Variants in TRIM72 observed in about 807,000 individuals in gnomAD.
TRIM72 encodes the protein tripartite motif-containing protein 72.
In TRIM72, 33 loss-of-function variants were observed where a neutral mutation model predicts 31.6. That is an observed-to-expected ratio of 1.04 (90% confidence interval 0.79 to 1.40). The LOEUF is 1.40. TRIM72 is among the 40% of genes most tolerant of loss of function. The pLI, the probability that TRIM72 is intolerant of heterozygous loss-of-function variation, is 0.00. For missense variants in TRIM72, 666 were observed against 682.7 expected (o/e 0.98, Z 0.27); for synonymous variants, 301 against 314.4 (o/e 0.96, Z 0.45).
In TRIM72 at chr16:31,224,555, C is replaced by G; in HGVS notation, c.1234C>G (p.Arg412Gly). The change falls in exon 7 of 7, where the codon CGC (arginine) becomes GGC (glycine). Residue 412 changes from arginine to glycine, a missense_variant. By Grantham distance (125) the Arg-to-Gly change is moderately radical. Transcript: ENST00000322122. ...ALRSPERRPT[R>G]IGLYLSFGDG... ...GCGCAGCCCCGAGAGGCGGCCCACG[C>G]GCATTGGCCTTTACCTGAGCTTCGG... is the stretch of plus-strand genomic sequence containing the variant. The G allele has an allele frequency of 6.5e-7, 1 of 1,538,084 alleles. No individual in the cohort carries two copies. Among genetic ancestry groups the G allele is most frequent in the Non-Finnish European group, 8.7e-7 (1 of 1,146,630 alleles).
intron 1 of TRIM72, 66 bp from the exon 2 acceptor site, chr16:31,214,666 T>TGGGCC (rs2079497960): frequency 7.1e-7 from 1 of 1,399,292 alleles, no homozygotes; most frequent in Non-Finnish European, 9.2e-7. Flanking sequence ...GGGCTAGGGC[T>TGGGCC]GGGCCAGGGC....
intron 2 of TRIM72, 124 bp from the exon 3 acceptor site, chr16:31,218,971 G>T (rs992134080): frequency 2.3e-6 from 2 of 877,230 alleles, no homozygotes; most frequent in Non-Finnish European, 1.8e-6. Flanking sequence ...TGGGTTTGGG[G>T]ATGGGAAGAT....
chr16:31,215,121 G>A lies in TRIM72; in HGVS notation c.383G>A (p.Arg128His), dbSNP rs1352142797. ...CTGCCTGCCGCCGAGGCCCACGCACGCCTCAAGGTGCGGGATCCGCGCGCA... is the reference window on the plus strand; with the variant it reads ...CTGCCTGCCGCCGAGGCCCACGCACACCTCAAGGTGCGGGATCCGCGCGCA... ...RLLPAAEAHA[R>H]LKTQLPQQKL... Residue 128 changes from arginine (R) to histidine (H), a missense_variant, in exon 2 of 7, where the codon CGC becomes CAC. Physicochemically the swap from Arg to His is conservative, Grantham distance 29. Transcript: ENST00000322122. The surrounding 1 kb of genome is among the most constrained non-coding windows in gnomAD (Gnocchi z 6.3). 1.4e-6 allele frequency: 2 copies of A among 1,439,604 alleles called. No individual in the cohort carries two copies. The highest frequency in any genetic ancestry group is 1.5e-5 in the African/African-American group (1 of 67,048). The allele number at this position is 1,439,604 out of a possible 1,614,324, so 89.2% of individuals were successfully genotyped here. A position where few individuals can be genotyped will look rare whatever the true frequency, so the allele number is the denominator to read the frequency against.
In TRIM72 at chr16:31,227,839, T is replaced by C. The variant is rs1293410329; in HGVS notation, c.*3084T>C. 2 of 152,282 alleles carry C rather than the reference T, an allele frequency of 1.3e-5. No individual in the cohort carries two copies. The highest frequency in any genetic ancestry group is 2.9e-5 in the Non-Finnish European group (2 of 68,138). The allele number at this position is 152,282 out of a possible 1,614,324, so 9.4% of individuals were successfully genotyped here. A position where few individuals can be genotyped will look rare whatever the true frequency, so the allele number is the denominator to read the frequency against. On this transcript the variant is annotated 3_prime_UTR_variant, in exon 7 of 7. Transcript: ENST00000322122. ...TTGGTAGAGATGAGGTCTCACTATG[T>C]TGCTCATGCTGGTCTCGAGCTCCTG...
intron 2 of TRIM72, among the ~76,000 whole-genome samples, chr16:31,217,780 A>G (rs1236512195): frequency 6.6e-6 from 1 of 152,006 alleles, no homozygotes; most frequent in African/African-American, 2.4e-5. Flanking sequence ...GCGCCCAGGT[A>G]ATTTTTGTAT....
rs1450715722 is a variant in TRIM72 at position 31,227,441 on chromosome 16, G to A, written c.*2686G>A. 2.0e-5 allele frequency: 3 copies of A among 152,362 alleles called. No individual in the cohort carries two copies. The highest frequency in any genetic ancestry group is 4.4e-5 in the Non-Finnish European group (3 of 68,216). The allele number at this position is 152,362 out of a possible 1,614,324, so 9.4% of individuals were successfully genotyped here. On this transcript the variant is annotated 3_prime_UTR_variant, in exon 7 of 7. Coordinates refer to ENST00000322122, the MANE Select transcript of TRIM72 (RefSeq NM_001008274.4). ...TCTGTCGCCCAGGCTGGAGTGCAGT[G>A]GTGTGATCACCGTAACCTCCGCCTC...
At chr16:31,224,078 A>T in intron 6 of TRIM72, 103 bp from the exon 7 acceptor site, 1 of 1,349,434 alleles carries the variant, frequency 7.4e-7, no homozygotes, top group Non-Finnish European at 1.0e-6. Flanking sequence ...GTGAGCAGAG[A>T]TGCCAAGAGG....
At position 31,222,824 on chromosome 16, in the gene TRIM72, C is replaced by CCCGCCCCCCA; in HGVS notation, c.741-3_741-2insCCGCCCCCCA. 1.4e-6 allele frequency: 2 copies of CCCGCCCCCCA among 1,398,296 alleles called. No individual in the cohort carries two copies. The highest frequency in any genetic ancestry group is 9.6e-7 in the Non-Finnish European group (1 of 1,037,844). 86.6% of individuals were successfully genotyped at this position (1,398,296 alleles called of 1,614,324 possible). A position where few individuals can be genotyped will look rare whatever the true frequency, so the allele number is the denominator to read the frequency against. The stretch of plus-strand genomic sequence containing the variant: ...TGCCTCCCCTTCCCCTCCCCACCCC[C>CCCGCCCCCCA]AGGCTGCAGAAGATCCTGGCAGAGT... On this transcript the variant is annotated splice_polypyrimidine_tract_variant and splice_region_variant and intron_variant, in intron 5 of 6. Transcript: ENST00000322122.
intron 2 of TRIM72, chr16:31,217,090 C>A: frequency 6.5e-7 from 1 of 1,534,170 alleles, no homozygotes; most frequent in Non-Finnish European, 8.8e-7. Flanking sequence ...ACCTTTCCTG[C>A]AGCAGGTGGA....
rs1277597533 is a variant in TRIM72, at chr16:31,230,910, AAG to A, written c.*6157_*6158del. On this transcript the variant is annotated 3_prime_UTR_variant, in exon 7 of 7. Coordinates refer to ENST00000322122, the MANE Select transcript of TRIM72 (RefSeq NM_001008274.4). ...TGAGACTCTGTCTCAAAGGAAAAAA[AAG>A]AAAATTTATTGAGACCTTATTATGC... The A allele has an allele frequency of 2.6e-5, 4 of 152,106 alleles. No homozygotes were observed. The highest frequency in any genetic ancestry group is 5.9e-5 in the Non-Finnish European group (4 of 68,036). The allele number at this position is 152,106 out of a possible 1,614,324, so 9.4% of individuals were successfully genotyped here.
At chr16:31,220,456 G>GGT (rs2079528362) in intron 4 of TRIM72, among the ~76,000 whole-genome samples, 3 of 29,580 alleles carry the variant, frequency 1.0e-4, no homozygotes, top group Admixed American at 6.7e-4. Flanking sequence ...TCTCTTTTGC[G>GGT]TTTTTTTTTT....
At chr16:31,221,144 C>T (rs547048074) in intron 5 of TRIM72, among the ~76,000 whole-genome samples, 1 of 152,270 alleles carries the variant, frequency 6.6e-6, no homozygotes, top group Admixed American at 6.5e-5. Flanking sequence ...GGGACACAGG[C>T]GTCACTGTGT....
chr16:31,220,852 C>T, intron 4 of TRIM72, 44 bp from the exon 5 acceptor site: 1 of 1,613,918 alleles, frequency 6.2e-7, no homozygotes, highest in Non-Finnish European at 8.5e-7. Flanking sequence ...TTCCAGTGTC[C>T]CCACCATCGG....
chr16:31,214,611 C>A, intron 1 of TRIM72, 121 bp from the exon 2 acceptor site: 1 of 1,157,112 alleles, frequency 8.6e-7, no homozygotes, highest in Non-Finnish European at 1.1e-6. Flanking sequence ...GATGTGAGGT[C>A]TTTACAGGCT....
In TRIM72 at chr16:31,220,835, CAA is replaced by C. The variant is rs911403072; in HGVS notation, c.718-58_718-57del. 9 of 1,610,730 alleles carry C rather than the reference CAA, an allele frequency of 5.6e-6. No homozygotes were observed. In the African/African-American group the frequency reaches 1.2e-4, roughly 22 times the overall value. On this transcript the variant is annotated intron_variant, in intron 4 of 6. Coordinates refer to ENST00000322122, the MANE Select transcript of TRIM72 (RefSeq NM_001008274.4). Reference sequence around the variant, plus strand: ...CATTCCTAGTTGTCTACCCCATCCTCAAAAGTTTCCAGTGTCCCCACCATCGG... The same window carrying C: ...CATTCCTAGTTGTCTACCCCATCCTCAAGTTTCCAGTGTCCCCACCATCGG...
In TRIM72 at chr16:31,222,932, G is replaced by A; in HGVS notation, c.846G>A (p.Arg282=). 6.3e-7 allele frequency: 1 copy of A among 1,578,768 alleles called. No homozygotes were observed. The part of the protein sequence containing the change: ...FKFQVWRKMF[R]ALMPALEELT... ...TCCAGGTGTGGAGGAAGATGTTCCG[G>A]GCTCTGATGCCAGGTACCGGGAGGG... Residue 282 remains arginine, a synonymous_variant, in exon 6 of 7, where the codon CGG becomes CGA. Coordinates refer to ENST00000322122, the MANE Select transcript of TRIM72 (RefSeq NM_001008274.4).
At chr16:31,223,016 A>C (rs2144198065) in intron 6 of TRIM72, 71 bp downstream of exon 6, 1 of 1,217,080 alleles carries the variant, frequency 8.2e-7, no homozygotes, top group East Asian at 2.6e-5. Context: ...CACCCTGGAG[A>C]GGCCTCCCAG....
At chr16:31,217,134 C>G in intron 2 of TRIM72, 5 of 1,226,344 alleles carry the variant, frequency 4.1e-6, no homozygotes, top group Non-Finnish European at 5.7e-6. Context: ...GGGAAGGAGA[C>G]TGATCTGGCA....
In TRIM72 at chr16:31,224,247, G is replaced by A. The variant is rs368859412; in HGVS notation, c.926G>A (p.Arg309His). ...HPSLVVSSSG[R>H]RVECSEQKAP... ...AGCCTGGTGGTGTCTTCCTCTGGCC[G>A]CCGCGTGGAGTGCTCGGAGCAGAAG... is the stretch of plus-strand genomic sequence containing the variant. The change falls in exon 7 of 7, where the codon CGC (arginine) becomes CAC (histidine). Residue 309 changes from arginine to histidine, a missense_variant. Physicochemically the swap from Arg to His is conservative, Grantham distance 29. Transcript: ENST00000322122. 22 of 1,604,892 alleles carry A rather than the reference G, an allele frequency of 1.4e-5. No individual in the cohort carries two copies. Among genetic ancestry groups the A allele is most frequent in the Non-Finnish European group, 1.9e-5 (22 of 1,179,776 alleles).
Sources: gnomAD v4.1 joint callset for allele counts (sites outside exome capture counted in the v4.1 genomes callset) on GRCh38, gnomAD v4.1.1 for gene constraint, Gnocchi (gnomAD v3.1) non-coding constraint, MANE v1.5 for transcripts, NCBI Gene and HGNC (gene_info 2026-07-23, HGNC 2026-07-21) for gene names.